The following EVA1C variants were observed in gnomAD, a reference collection of about 807,000 sequenced individuals.
EVA1C encodes protein eva-1 homolog C.
A neutral mutation model predicts 45.4 loss-of-function variants in EVA1C; 25 were observed. The observed-to-expected ratio is 0.55, with a 90% confidence interval of 0.40 to 0.77. The LOEUF is 0.77. EVA1C is among the 30% of genes least tolerant of loss of function. EVA1C has a pLI of 0.00. For missense variants in EVA1C, 479 were observed against 554.8 expected (o/e 0.86, Z 1.37); for synonymous variants, 190 against 221.2 (o/e 0.86, Z 1.25).
At chr21:32,444,803 A>T (rs543026691) in intron 1 of EVA1C, among the ~76,000 whole-genome samples, 3 of 152,108 alleles carry the variant, frequency 2.0e-5, no homozygotes, top group Admixed American at 6.6e-5. Flanking sequence ...GCTGCCAGCC[A>T]TCAGTCAACT....
At chr21:32,415,953 T>A (rs201191804) in intron 1 of EVA1C, among the ~76,000 whole-genome samples, 1 of 152,218 alleles carries the variant, frequency 6.6e-6, no homozygotes, top group East Asian at 1.9e-4. Flanking sequence ...AGGATTTGGC[T>A]TGAGACGTCT....
At chr21:32,506,626 T>C (rs1303089339) in intron 7 of EVA1C, among the ~76,000 whole-genome samples, 2 of 152,110 alleles carry the variant, frequency 1.3e-5, no homozygotes, top group African/African-American at 4.8e-5. Context: ...GTGGGTTTTC[T>C]TGGTGTGTCT....
rs2036476159 is a variant in EVA1C at position 32,474,159 on chromosome 21, C to T, written c.634+6311C>T. The T allele has an allele frequency of 6.3e-6, 1 of 157,686 alleles. No homozygotes were observed. The highest frequency in any genetic ancestry group is 2.4e-5 in the African/African-American group (1 of 41,502). 9.8% of individuals were successfully genotyped at this position (157,686 alleles called of 1,614,324 possible). A position where few individuals can be genotyped will look rare whatever the true frequency, so the allele number is the denominator to read the frequency against. On this transcript the variant is annotated intron_variant, in intron 4 of 7. Transcript: ENST00000300255. This position sits in a 1 kb window ranked among gnomAD's most constrained non-coding sequence, Gnocchi z 4.4. ...CAACTCCTGGCCTCAAGTGATCCTC[C>T]CGCCTCAGCCTCCTAAAGTGCTGGG...
chr21:32,420,911 C>G (rs913301827), intron 1 of EVA1C, among the ~76,000 whole-genome samples: 13 of 152,158 alleles, frequency 8.5e-5, no homozygotes, highest in African/African-American at 3.1e-4. Flanking sequence ...AAATTACATG[C>G]AGTTTAAAGC....
chr21:32,455,766 T>C (rs530053478), intron 2 of EVA1C, among the ~76,000 whole-genome samples: 1 of 152,324 alleles, frequency 6.6e-6, no homozygotes, highest in East Asian at 1.9e-4. Flanking sequence ...GGATGTTCTA[T>C]AACCAGGCCG....
chr21:32,492,715 T>G (rs1422790004), intron 4 of EVA1C, among the ~76,000 whole-genome samples: 9 of 152,060 alleles, frequency 5.9e-5, no homozygotes, highest in East Asian at 5.8e-4. Flanking sequence ...TTTTGTTTTT[T>G]TTTTTAATGA....
rs2037298497 is a variant in EVA1C at position 32,495,051 on chromosome 21, A to G, written c.659A>G (p.Gln220Arg). ...PFDCLSYSALQVLSRRCYGKQ... is the reference protein window; with the variant it reads ...PFDCLSYSALRVLSRRCYGKQ... ...GATTGCTTGTCTTACTCAGCTTTGC[A>G]AGTCCTATCCCGAAGGTGCTATGGG... Residue 220 changes from glutamine to arginine, a missense_variant, in exon 5 of 8, where the codon CAA (glutamine) becomes CGA (arginine). Physicochemically the swap from Gln to Arg is conservative, Grantham distance 43 (BLOSUM62 1). Transcript: ENST00000300255. The G allele has an allele frequency of 6.2e-7, 1 of 1,614,016 alleles. No homozygotes were observed. The highest frequency in any genetic ancestry group is 8.5e-7 in the Non-Finnish European group (1 of 1,180,026).
intron 4 of EVA1C, among the ~76,000 whole-genome samples, chr21:32,488,239 T>C (rs761918783): frequency 1.6e-4 from 25 of 152,088 alleles, no homozygotes; most frequent in Non-Finnish European, 1.9e-4. Context: ...AAGAAAGACA[T>C]AAAAATTTAG....
chr21:32,485,146 C>T (rs2036930382), intron 4 of EVA1C, among the ~76,000 whole-genome samples: 1 of 152,210 alleles, frequency 6.6e-6, no homozygotes, highest in Non-Finnish European at 1.5e-5. Flanking sequence ...TCAGATGCTG[C>T]AACTGGTCTT....
rs951543110 is a variant in EVA1C, at chr21:32,474,063, G to A, written c.634+6215G>A. Reference sequence around the variant, plus strand: ...TCACCTCAGCCTCCTGAGTAGCTGGGACTACAGGTGCATGCCACCATGCCT... The same window carrying A: ...TCACCTCAGCCTCCTGAGTAGCTGGAACTACAGGTGCATGCCACCATGCCT... On this transcript the variant is annotated intron_variant, in intron 4 of 7. Coordinates refer to ENST00000300255, the MANE Select transcript of EVA1C (RefSeq NM_058187.5). The surrounding 1 kb of genome is among the most constrained non-coding windows in gnomAD (Gnocchi z 4.4). The A allele has an allele frequency of 1.9e-6, 1 of 516,740 alleles. No individual in the cohort carries two copies. The highest frequency in any genetic ancestry group is 2.5e-6 in the Non-Finnish European group (1 of 401,896). 32.0% of individuals were successfully genotyped at this position (516,740 alleles called of 1,614,324 possible). A position where few individuals can be genotyped will look rare whatever the true frequency, so the allele number is the denominator to read the frequency against.
chr21:32,506,965 C>T (rs1014208044), intron 7 of EVA1C, among the ~76,000 whole-genome samples: 7 of 152,148 alleles, frequency 4.6e-5, no homozygotes, highest in African/African-American at 1.7e-4. Context: ...CCAAACCACC[C>T]AAATAGGCGG....
intron 1 of EVA1C, among the ~76,000 whole-genome samples, chr21:32,427,549 C>T (rs1601223076): frequency 6.6e-6 from 1 of 152,128 alleles, no homozygotes; most frequent in South Asian, 2.1e-4. Flanking sequence ...CCCATCTCTA[C>T]TAAAAATACA....
At chr21:32,497,029 A>T (rs1030149111) in intron 5 of EVA1C, 2 of 1,374,870 alleles carry the variant, frequency 1.5e-6, no homozygotes, top group Admixed American at 3.4e-5. Context: ...GATGGTCTGT[A>T]TTGACAGCTA....
chr21:32,445,432 G>A (rs2035328795), intron 1 of EVA1C, among the ~76,000 whole-genome samples: 1 of 152,198 alleles, frequency 6.6e-6, no homozygotes, highest in South Asian at 2.1e-4. Flanking sequence ...CAAAAGGTGA[G>A]CGATGTATGT....
intron 5 of EVA1C, among the ~76,000 whole-genome samples, chr21:32,497,564 A>G (rs2037393583): frequency 6.6e-6 from 1 of 152,222 alleles, no homozygotes; most frequent in Non-Finnish European, 1.5e-5. Flanking sequence ...ACATTTACTA[A>G]AACATTTTTT....
At chr21:32,420,014 C>G (rs1409106281) in intron 1 of EVA1C, among the ~76,000 whole-genome samples, 1 of 152,124 alleles carries the variant, frequency 6.6e-6, no homozygotes, top group Non-Finnish European at 1.5e-5. Flanking sequence ...CTGAGTTTCC[C>G]CTTGCCCCTT....
intron 1 of EVA1C, among the ~76,000 whole-genome samples, chr21:32,445,463 G>A (rs757620512): frequency 2.4e-4 from 37 of 152,182 alleles, no homozygotes; most frequent in South Asian, 8.3e-4. Flanking sequence ...CTTTGTAGCC[G>A]TCTTAGTTAG....
rs2037300916 is a variant in EVA1C, at chr21:32,495,095, A to G, written c.703A>G (p.Ile235Val). 4 of 1,614,166 alleles carry G rather than the reference A, an allele frequency of 2.5e-6. No homozygotes were observed. Among genetic ancestry groups the G allele is most frequent in the Middle Eastern group, 1.6e-4 (1 of 6,062 alleles). Residue 235 changes from isoleucine to valine, a missense_variant, in exon 5 of 8, where the codon ATC (isoleucine) becomes GTC (valine). Physicochemically the swap from Ile to Val is conservative, Grantham distance 29 (BLOSUM62 3). Around this residue, in one of 3 missense-constraint regions of EVA1C, gnomAD observed 366 missense variants for 426.1 expected, o/e 0.86. Coordinates refer to ENST00000300255, the MANE Select transcript of EVA1C (RefSeq NM_058187.5). ...CTATGGGAAGCAGAGATGCAAAATC[A>G]TCGTCAACAATCACCATTTTGGAAG... ...RCYGKQRCKI[I>V]VNNHHFGSPC...
At chr21:32,485,030 T>C (rs989715024) in intron 4 of EVA1C, among the ~76,000 whole-genome samples, 3 of 152,148 alleles carry the variant, frequency 2.0e-5, no homozygotes, top group Non-Finnish European at 2.9e-5. Context: ...CCTTGGCCCA[T>C]TCTAGAAGCG....
Sources: allele counts gnomAD v4.1 joint callset (sites outside exome capture counted in the v4.1 genomes callset), GRCh38; gene constraint gnomAD v4.1.1; regional missense constraint gnomAD v4.1.1; non-coding constraint Gnocchi (gnomAD v3.1); transcripts MANE v1.5; gene names NCBI Gene and HGNC (gene_info 2026-07-23, HGNC 2026-07-21).